MYH3: variants seen among roughly 807,000 people sequenced by gnomAD.
MYH3 encodes the protein myosin heavy chain 3.
A neutral mutation model predicts 238.0 loss-of-function variants in MYH3; 130 were observed. The ratio of observed to expected loss-of-function variants is 0.55; its 90% confidence interval spans 0.47 to 0.63. The LOEUF is 0.63. MYH3 is among the 30% of genes least tolerant of loss of function. The pLI, the probability that MYH3 is intolerant of heterozygous loss-of-function variation, is 0.00. For missense variants in MYH3, 1,853 were observed against 2,374.9 expected (o/e 0.78, Z 4.57); for synonymous variants, 880 against 924.1 (o/e 0.95, Z 0.86).
chr17:10,631,817 G>C lies in MYH3; in HGVS notation c.5156C>G (p.Thr1719Ser), dbSNP rs750965722. The C allele has an allele frequency of 6.2e-7, 1 of 1,614,114 alleles. No individual in the cohort carries two copies. Among genetic ancestry groups the C allele is most frequent in the South Asian group, 1.1e-5 (1 of 91,078 alleles). Residue 1719 changes from threonine (T) to serine (S), a missense_variant, in exon 35 of 41, where the codon ACC (threonine) becomes AGC (serine). Thr to Ser is a moderately conservative substitution (Grantham distance 58). This residue lies in a region of MYH3 where 1,044 missense variants were observed against 1,192.6 expected (regional missense o/e 0.88). Coordinates refer to ENST00000583535, the MANE Select transcript of MYH3 (RefSeq NM_002470.4). ...TCTTCCTCTCCCTCCCCTCACCTGG[G>C]TATGCAGCAGCTGCACCCTCTCGTT... ...DSNERVQLLH[T>S]QNTSLIHTKK...
chr17:10,638,461 G>A, intron 26 of MYH3, 29 bp from the exon 27 acceptor site: 1 of 1,599,464 alleles, frequency 6.3e-7, no homozygotes, highest in Non-Finnish European at 8.5e-7. Flanking sequence ...CACCCCGTGG[G>A]CAGTGGGTTC....
the MYH3 span, chr17:10,673,298 C>T: frequency 1.3e-5 from 2 of 152,220 alleles, no homozygotes; most frequent in African/African-American, 4.8e-5. Flanking sequence ...TCTCCAGGGC[C>T]TACTTTTTAT....
At chr17:10,660,677 G>GA (rs754663236), upstream of MYH3, among the ~76,000 whole-genome samples, 7 of 88,746 alleles carry the variant, frequency 7.9e-5, no homozygotes, top group Admixed American at 3.4e-4. Flanking sequence ...ACTCTGACTC[G>GA]GAAAAAAAAA....
chr17:10,660,916 C>A (rs1375052013), upstream of MYH3, among the ~76,000 whole-genome samples: 2 of 151,536 alleles, frequency 1.3e-5, no homozygotes, highest in Non-Finnish European at 2.9e-5. Flanking sequence ...ACCCAGGAGG[C>A]AGACATTGCA....
At position 10,639,692 on chromosome 17, in the gene MYH3, C is replaced by G. The variant is rs2074250183; in HGVS notation, c.2793G>C (p.Glu931Asp). 1.2e-6 allele frequency: 2 copies of G among 1,614,086 alleles called. No homozygotes were observed. The highest frequency in any genetic ancestry group is 4.5e-5 in the East Asian group (2 of 44,866). ...TGGCCGTCAGCTCAGCATTGATCTCCTCCTCATCTTCAGCTCTCTCTGTCA... is the reference window on the plus strand; with the variant it reads ...TGGCCGTCAGCTCAGCATTGATCTCGTCCTCATCTTCAGCTCTCTCTGTCA... ...KEVTERAEDE[E>D]EINAELTAKK... The change falls in exon 23 of 41, where the codon GAG (glutamate) becomes GAC (aspartate). Residue 931 changes from glutamate (E) to aspartate (D), a missense_variant. This residue lies in a region of MYH3 where 678 missense variants were observed against 1,058.9 expected (regional missense o/e 0.64). Transcript: ENST00000583535.
At chr17:10,674,460 T>C in the MYH3 span, 1 of 283,576 alleles carries the variant, frequency 3.5e-6, no homozygotes, top group Non-Finnish European at 6.9e-6. Context: ...AAAAACAGAC[T>C]GTGATTGAGG....
upstream of MYH3, among the ~76,000 whole-genome samples, chr17:10,660,135 A>G (rs772223973): frequency 1.3e-5 from 2 of 152,174 alleles, no homozygotes; most frequent in Non-Finnish European, 2.9e-5. Flanking sequence ...CTCCTCTGTA[A>G]AACGGGGGTG....
At chr17:10,629,187 A>C in intron 40 of MYH3, among the ~76,000 whole-genome samples, 1 of 149,736 alleles carries the variant, frequency 6.7e-6, no homozygotes, top group African/African-American at 2.5e-5. Context: ...TGCCGCCCCC[A>C]CCCCCGGAAA....
At position 10,637,711 on chromosome 17, in the gene MYH3, G is replaced by A. The variant is rs2074228122; in HGVS notation, c.3856+98C>T. 2.0e-6 allele frequency: 3 copies of A among 1,523,336 alleles called. No individual in the cohort carries two copies. The East Asian group carries it at 6.8e-5, about 35-fold the overall frequency. The allele number at this position is 1,523,336 out of a possible 1,614,324, so 94.4% of individuals were successfully genotyped here. ...TCTCCTGAAAAGATGCTTCCCTAGA[G>A]ATTCTCCCTCAAACACACCCTGCCC... On this transcript the variant is annotated intron_variant, in intron 28 of 40. Coordinates refer to ENST00000583535, the MANE Select transcript of MYH3 (RefSeq NM_002470.4).
chr17:10,657,046 G>A (rs188367490), intron 1 of MYH3, among the ~76,000 whole-genome samples: 1 of 152,264 alleles, frequency 6.6e-6, no homozygotes, highest in East Asian at 1.9e-4. Flanking sequence ...AGAGTGTGTG[G>A]AGGAGAGAGA....
upstream of MYH3, among the ~76,000 whole-genome samples, chr17:10,659,887 G>C (rs1292701366): frequency 1.3e-5 from 2 of 152,224 alleles, no homozygotes; most frequent in African/African-American, 4.8e-5. Context: ...TGGCTGGAAG[G>C]GACAGCACCC....
chr17:10,636,877 G>A (rs1382223105), intron 28 of MYH3, among the ~76,000 whole-genome samples: 1 of 150,976 alleles, frequency 6.6e-6, no homozygotes, highest in Non-Finnish European at 1.5e-5. Flanking sequence ...TCACACAATT[G>A]CACTCCAGCC....
chr17:10,633,786 T>C (rs762799099), intron 32 of MYH3, 71 bp from the exon 33 acceptor site: 408 of 1,592,354 alleles, frequency 2.6e-4, no homozygotes, highest in Non-Finnish European at 3.4e-4. Context: ...AAGCATTGAC[T>C]CAATGCTTTT....
At chr17:10,644,290 T>A in intron 14 of MYH3, 61 bp downstream of exon 14, 1 of 1,556,736 alleles carries the variant, frequency 6.4e-7, no homozygotes, top group Non-Finnish European at 8.9e-7. Context: ...CCCTTTAGGA[T>A]CATGAAACCA....
At chr17:10,656,202 T>G (rs761404116) in intron 1 of MYH3, 54 bp from the exon 2 acceptor site, 1 of 152,106 alleles carries the variant, frequency 6.6e-6, no homozygotes, top group Non-Finnish European at 1.5e-5. Context: ...GCTGCGTCCA[T>G]GTAGAATCGG....
In MYH3 at chr17:10,649,596, T is replaced by C. The variant is rs759029381; in HGVS notation, c.623A>G (p.Lys208Arg). Reference protein sequence around the residue: ...TIAATGDLAKKKDSKMKGTLE... With the variant: ...TIAATGDLAKRKDSKMKGTLE... ...CTATACCTTCATTTTGGAGTCCTTC[T>C]TCTTGGCCAGGTCCCCAGTAGCTGC... Residue 208 changes from lysine to arginine, a missense_variant, in exon 7 of 41, where the codon AAG (lysine) becomes AGG (arginine). Lys to Arg is a conservative substitution (Grantham distance 26). Coordinates refer to ENST00000583535, the MANE Select transcript of MYH3 (RefSeq NM_002470.4). 1 of 1,614,178 alleles carries C rather than the reference T, an allele frequency of 6.2e-7. No individual in the cohort carries two copies. The highest frequency in any genetic ancestry group is 1.1e-5 in the South Asian group (1 of 91,088).
chr17:10,639,399 G>T lies in MYH3; in HGVS notation c.3001C>A (p.Gln1001Lys). Residue 1001 changes from glutamine to lysine, a missense_variant, in exon 24 of 41, where the codon CAA becomes AAA. By Grantham distance (53) the Gln-to-Lys change is moderately conservative. Transcript: ENST00000583535. ...TCCAAGGCCTGCTGGTGCGCCTCTTGGAGGGCCTTCTTCTCTCTGGTTAAC... is the reference window on the plus strand; with the variant it reads ...TCCAAGGCCTGCTGGTGCGCCTCTTTGAGGGCCTTCTTCTCTCTGGTTAAC... ...AKLTREKKAL[Q>K]EAHQQALDDL... The T allele has an allele frequency of 1.2e-6, 2 of 1,614,106 alleles. No homozygotes were observed. The highest frequency in any genetic ancestry group is 1.7e-6 in the Non-Finnish European group (2 of 1,180,004).
Position 10,647,205 on chromosome 17 carries a change from G to C in MYH3, c.875C>G (p.Ser292Cys), listed in dbSNP as rs139480342. ...ACCTATGAGCTCAGGCTTCTTGTTA[G>C]AAAGAATCTGGTAGAAGATGTGGTA... ...RSYHIFYQIL[S>C]NKKPELIELL... Residue 292 changes from serine (S) to cysteine (C), a missense_variant, in exon 10 of 41, where the codon TCT becomes TGT. Transcript: ENST00000583535. 882 of 1,614,022 alleles carry C rather than the reference G, an allele frequency of 5.5e-4. 4 individuals are homozygous for C. Among genetic ancestry groups the C allele is most frequent in the Middle Eastern group, 1.6e-4 (1 of 6,078 alleles).
At chr17:10,674,993 G>A in the MYH3 span, 1 of 152,326 alleles carries the variant, frequency 6.6e-6, no homozygotes, top group Non-Finnish European at 1.5e-5. Flanking sequence ...AACAAGGAAT[G>A]TGCCCACTCT....
Sources: gnomAD v4.1 joint callset for allele counts (sites outside exome capture counted in the v4.1 genomes callset) on GRCh38, gnomAD v4.1.1 for gene constraint, gnomAD v4.1.1 regional missense constraint, MANE v1.5 for transcripts, NCBI Gene and HGNC (gene_info 2026-07-23, HGNC 2026-07-21) for gene names.